Variants in PACRG observed in about 807,000 individuals in gnomAD.
PACRG encodes the protein parkin coregulated, also known as parkin coregulated gene protein.
A neutral mutation model predicts 29.7 loss-of-function variants in PACRG; 29 were observed. The observed-to-expected ratio is 0.98, with a 90% CI of 0.73 to 1.33. The LOEUF is 1.33. Ranked by LOEUF, PACRG falls within the 40% of genes most tolerant of loss-of-function variation. The pLI, the probability that PACRG is intolerant of heterozygous loss-of-function variation, is 0.00. For synonymous variants in PACRG, 116 were observed against 118.7 expected, an observed-to-expected ratio of 0.98 and a Z score of 0.15; for missense variants, 279 against 316.2, an observed-to-expected ratio of 0.88 and a Z score of 0.89.
At chr6:163,146,992 T>C (rs1777829069) in intron 4 of PACRG, among the ~76,000 whole-genome samples, 1 of 152,212 alleles carries the variant, frequency 6.6e-6, no homozygotes, top group African/African-American at 2.4e-5. Flanking sequence ...CCCTTTTCCA[T>C]TCTGTTAGCA....
At chr6:162,867,622 C>T (rs927762837) in intron 2 of PACRG, among the ~76,000 whole-genome samples, 5 of 152,292 alleles carry the variant, frequency 3.3e-5, no homozygotes, top group South Asian at 2.1e-4. Context: ...ATTTTCCAAA[C>T]GAAAAGAACT....
intron 2 of PACRG, among the ~76,000 whole-genome samples, chr6:162,838,430 C>A (rs2128403916): frequency 6.6e-6 from 1 of 152,222 alleles, no homozygotes; most frequent in South Asian, 2.1e-4. Context: ...TCTTCACTTT[C>A]ATCTACTTTT....
At chr6:163,131,290 C>T (rs1036870960) in intron 4 of PACRG, among the ~76,000 whole-genome samples, 5 of 144,082 alleles carry the variant, frequency 3.5e-5, no homozygotes, top group East Asian at 2.0e-4. Context: ...CCAGCCTGGG[C>T]GACAGAGCGA....
At chr6:163,027,651 G>T (rs1297896514) in intron 2 of PACRG, among the ~76,000 whole-genome samples, 1 of 152,114 alleles carries the variant, frequency 6.6e-6, no homozygotes, top group Non-Finnish European at 1.5e-5. Flanking sequence ...ATACAGAGGG[G>T]CCTGCCTGGC....
chr6:162,951,299 G>T (rs568924513), intron 2 of PACRG, among the ~76,000 whole-genome samples: 1 of 152,184 alleles, frequency 6.6e-6, no homozygotes, highest in African/African-American at 2.4e-5. Flanking sequence ...ATTGAAACTC[G>T]CTTAGTTCTT....
At chr6:162,996,609 T>A (rs563144383) in intron 2 of PACRG, among the ~76,000 whole-genome samples, 1 of 152,238 alleles carries the variant, frequency 6.6e-6, no homozygotes, top group African/African-American at 2.4e-5. Context: ...TTTAAAATAA[T>A]ATATTAACAA....
At chr6:163,058,319 C>T (rs1441578559) in intron 2 of PACRG, among the ~76,000 whole-genome samples, 1 of 152,154 alleles carries the variant, frequency 6.6e-6, no homozygotes, top group African/African-American at 2.4e-5. Flanking sequence ...AATCCAGCAG[C>T]TCCTTACACA....
chr6:163,225,559 G>A (rs548204514), intron 4 of PACRG, among the ~76,000 whole-genome samples: 2 of 152,288 alleles, frequency 1.3e-5, no homozygotes, highest in East Asian at 1.9e-4. Context: ...AACTAATATA[G>A]CAAGTGTTTG....
At chr6:163,064,669 A>C (rs1166375150) in intron 3 of PACRG, among the ~76,000 whole-genome samples, 1 of 152,188 alleles carries the variant, frequency 6.6e-6, no homozygotes, top group African/African-American at 2.4e-5. Flanking sequence ...AAAATCTTTG[A>C]GGAGGAATTC....
chr6:163,202,862 G>T (rs1226082049), intron 4 of PACRG, among the ~76,000 whole-genome samples: 1 of 152,178 alleles, frequency 6.6e-6, no homozygotes, highest in Non-Finnish European at 1.5e-5. Context: ...GTGGTCGGGA[G>T]GCCAGGATCC....
At position 163,050,068 on chromosome 6, in the gene PACRG, T is replaced by C. The variant is rs562778489; in HGVS notation, c.292-12082T>C. 1.0e-3 allele frequency among the ~76,000 whole-genome samples: 158 copies of C among 152,274 alleles called. 1 individual carries two copies. Among genetic ancestry groups the C allele is most frequent in the African/African-American group, 3.3e-3 (136 of 41,570 alleles). On this transcript the variant is annotated intron_variant, in intron 2 of 4. Coordinates refer to ENST00000366888, the MANE Select transcript of PACRG (RefSeq NM_001080379.2). Reference sequence around the variant, plus strand: ...TTTTCCCTTTTATGATAATCTCTTTTAATAAGAGAATTTAATTCACAAACA... The same window carrying C: ...TTTTCCCTTTTATGATAATCTCTTTCAATAAGAGAATTTAATTCACAAACA...
chr6:163,025,769 T>C (rs1052990453), intron 2 of PACRG, among the ~76,000 whole-genome samples: 4 of 152,246 alleles, frequency 2.6e-5, no homozygotes, highest in African/African-American at 9.6e-5. Flanking sequence ...CCTGCAGTTC[T>C]TTCCACGCAG....
At chr6:163,111,811 C>T (rs560050577) in intron 4 of PACRG, among the ~76,000 whole-genome samples, 12 of 152,286 alleles carry the variant, frequency 7.9e-5, no homozygotes, top group East Asian at 5.8e-4. Flanking sequence ...CTTGGAGGGA[C>T]GTGCTTGCAA....
intron 4 of PACRG, among the ~76,000 whole-genome samples, chr6:163,102,266 G>T (rs1379456161): frequency 6.6e-6 from 1 of 152,192 alleles, no homozygotes; most frequent in Non-Finnish European, 1.5e-5. Context: ...TGAGGTCAGG[G>T]TACAGTTTGG....
chr6:163,290,982 A>G (rs1218842313), intron 4 of PACRG, among the ~76,000 whole-genome samples: 4 of 151,226 alleles, frequency 2.6e-5, no homozygotes, highest in African/African-American at 4.9e-5. Flanking sequence ...GGTTTCTCCC[A>G]CTCCTCGGAA....
intron 1 of PACRG, among the ~76,000 whole-genome samples, chr6:162,756,470 A>G (rs1372408047): frequency 6.6e-6 from 1 of 152,096 alleles, no homozygotes; most frequent in East Asian, 1.9e-4. Context: ...ACTTCTGCTC[A>G]CTTTCAGTTT....
chr6:163,139,062 TGC>T (rs1232707321), intron 4 of PACRG, among the ~76,000 whole-genome samples: 1 of 152,248 alleles, frequency 6.6e-6, no homozygotes, highest in African/African-American at 2.4e-5. Flanking sequence ...CTTGGTGGCT[TGC>T]AGAATGTGTT....
At chr6:163,225,877 C>A (rs1244670666) in intron 4 of PACRG, among the ~76,000 whole-genome samples, 1 of 152,036 alleles carries the variant, frequency 6.6e-6, no homozygotes, top group East Asian at 1.9e-4. Context: ...TACTATTCAG[C>A]CTTTAAAAAG....
At position 163,268,288 on chromosome 6, in the gene PACRG, G is replaced by C. The variant is rs1033627394; in HGVS notation, c.614-46539G>C. ...GTGGTGGCGGGCGCCTGTAGTCCCA[G>C]CTACTCGGGAGGCTGAGGCAAGAGA... On this transcript the variant is annotated intron_variant, in intron 4 of 4. Coordinates refer to ENST00000366888, the MANE Select transcript of PACRG (RefSeq NM_001080379.2). Among the ~76,000 whole-genome samples, 7 of 151,978 alleles carry C rather than the reference G, an allele frequency of 4.6e-5. No homozygotes were observed. The East Asian group carries it at 1.2e-3, about 25-fold the overall frequency.
Sources: allele counts gnomAD v4.1 joint callset (sites outside exome capture counted in the v4.1 genomes callset), GRCh38; gene constraint gnomAD v4.1.1; transcripts MANE v1.5; gene names NCBI Gene and HGNC (gene_info 2026-07-23, HGNC 2026-07-21).